Variants in MYCBP2 observed in about 807,000 individuals in gnomAD.
MYCBP2 encodes the protein MYC binding protein 2.
In MYCBP2, 120 loss-of-function variants were observed where a neutral mutation model predicts 525.3. The ratio of observed to expected loss-of-function variants is 0.23; its 90% confidence interval spans 0.20 to 0.27. The LOEUF (loss-of-function observed/expected upper bound fraction) is 0.27. Among genes scored for constraint, MYCBP2 ranks in the 10% least tolerant of loss-of-function variants. The pLI is 1.00. For missense variants in MYCBP2, 4,149 were observed against 5,657.1 expected (o/e 0.73, Z 8.55); for synonymous variants, 1,894 against 1,955.8 (o/e 0.97, Z 0.83).
intron 62 of MYCBP2, among the ~76,000 whole-genome samples, chr13:77,083,413 G>A (rs1271996400): frequency 1.3e-5 from 2 of 152,092 alleles, no homozygotes; most frequent in Non-Finnish European, 2.9e-5. Flanking sequence ...GCATGCAAAT[G>A]AATAAATGTA....
intron 17 of MYCBP2, among the ~76,000 whole-genome samples, chr13:77,240,280 T>A (rs574447527): frequency 1.3e-5 from 2 of 152,274 alleles, no homozygotes; most frequent in South Asian, 4.1e-4. Flanking sequence ...GAATACATAG[T>A]TAGAATTCTT....
At chr13:77,214,367 T>C (rs2064484208) in intron 21 of MYCBP2, among the ~76,000 whole-genome samples, 1 of 152,134 alleles carries the variant, frequency 6.6e-6, no homozygotes, top group African/African-American at 2.4e-5. Context: ...TTACAAAGTA[T>C]TGGAAACCAC....
rs149066307 is a variant in MYCBP2 at position 77,263,679 on chromosome 13, G to A, written c.1542C>T (p.Phe514=). Residue 514 remains phenylalanine (F), a synonymous_variant, in exon 10 of 83, where the codon TTC becomes TTT. Transcript: ENST00000544440. ...TAATATGCAAGTCCTTTTCCAGATC[G>A]AATAGTGAGATACCACAGGCATGTA... ...KCLHACGISL[F]DLEKDLHIIS... 164 of 1,612,408 alleles carry A rather than the reference G, an allele frequency of 1.0e-4. 1 individual carries two copies. In the African/African-American group the frequency reaches 1.6e-3, roughly 15 times the overall value.
At position 77,181,748 on chromosome 13, in the gene MYCBP2, C is replaced by G. The variant is rs968607146; in HGVS notation, c.4894G>C (p.Val1632Leu). 1 of 1,613,952 alleles carries G rather than the reference C, an allele frequency of 6.2e-7. No homozygotes were observed. The highest frequency in any genetic ancestry group is 1.3e-5 in the African/African-American group (1 of 74,920). The change falls in exon 33 of 83, where the codon GTT (valine) becomes CTT (leucine). Residue 1632 changes from valine to leucine, a missense_variant. By Grantham distance (32) the Val-to-Leu change is conservative. Coordinates refer to ENST00000544440, the MANE Select transcript of MYCBP2 (RefSeq NM_015057.5). The part of the protein sequence containing the change: ...QVSTENDSTL[V>L]HRFPLLVAHM... ...GCCACCAAAAGGGGAAAACGATGAA[C>G]TAGTGTTGAGTCGTTCTCTGTACTA...
Position 77,270,080 on chromosome 13 carries a change from A to T in MYCBP2, c.1189-17T>A. Reference sequence around the variant, plus strand: ...TATATGGCCCTGCAAAAAAAACAAAAGTTAGTATATCAGTGGTTTCATAAT... The same window carrying T: ...TATATGGCCCTGCAAAAAAAACAAATGTTAGTATATCAGTGGTTTCATAAT... On this transcript the variant is annotated splice_polypyrimidine_tract_variant and intron_variant, in intron 6 of 82. Coordinates refer to ENST00000544440, the MANE Select transcript of MYCBP2 (RefSeq NM_015057.5). The T allele has an allele frequency of 6.3e-7, 1 of 1,585,878 alleles. No individual in the cohort carries two copies. Among genetic ancestry groups the T allele is most frequent in the Non-Finnish European group, 8.6e-7 (1 of 1,166,370 alleles).
intron 53 of MYCBP2, among the ~76,000 whole-genome samples, 192 bp from the exon 54 acceptor site, chr13:77,125,660 C>T (rs1017112184): frequency 6.6e-6 from 1 of 152,180 alleles, no homozygotes; most frequent in Non-Finnish European, 1.5e-5. Context: ...TAAAATACTG[C>T]TTATTTATGA....
chr13:77,314,583 T>TA (rs151065051), intron 1 of MYCBP2, among the ~76,000 whole-genome samples: 4,920 of 152,244 alleles, frequency 0.032, 214 homozygotes, highest in East Asian at 0.17. Context: ...ATGGAGACAG[T>TA]AAGTGATTAC....
intron 20 of MYCBP2, among the ~76,000 whole-genome samples, chr13:77,223,727 A>G (rs2154294540): frequency 6.6e-6 from 1 of 152,258 alleles, no homozygotes; most frequent in East Asian, 1.9e-4. Flanking sequence ...CTGCTTCCAC[A>G]TATTCATTCC....
chr13:77,052,229 C>T (rs557745349), intron 80 of MYCBP2, among the ~76,000 whole-genome samples: 9 of 152,208 alleles, frequency 5.9e-5, no homozygotes, highest in African/African-American at 2.2e-4. Context: ...GACGGGCTCT[C>T]ACTCTGTTGC....
chr13:77,185,805 A>G (rs1264341602), intron 31 of MYCBP2, 66 bp downstream of exon 31: 12 of 1,214,382 alleles, frequency 9.9e-6, no homozygotes, highest in Non-Finnish European at 1.3e-5. Flanking sequence ...CAGTTATCTC[A>G]AAGTAAATCT....
intron 59 of MYCBP2, among the ~76,000 whole-genome samples, chr13:77,091,922 C>G (rs1232337942): frequency 6.6e-6 from 1 of 151,980 alleles, no homozygotes; most frequent in Non-Finnish European, 1.5e-5. Flanking sequence ...CAGTTTCTAA[C>G]TCTTTTAAAA....
intron 74 of MYCBP2, 22 bp downstream of exon 74, chr13:77,062,574 T>C: frequency 6.3e-7 from 1 of 1,593,550 alleles, no homozygotes; most frequent in Non-Finnish European, 8.6e-7. Flanking sequence ...CAAGATAAAT[T>C]CTTACAAAAT....
rs760794435 is a variant in MYCBP2, at chr13:77,067,742, T to G, written c.12294A>C (p.Gly4098=). The G allele has an allele frequency of 2.4e-5, 39 of 1,613,990 alleles. No individual in the cohort carries two copies. The highest frequency in any genetic ancestry group is 3.1e-5 in the Non-Finnish European group (36 of 1,180,028). ...CCAAGATACCCAGCTTATTCCAGTC[T>G]CCTTTCTCTGTTGAGTGAATGATAT... ...ISDIIHSTEK[G]DWNKLGILDM... is the part of the protein sequence containing the mutation. Residue 4098 remains glycine, a synonymous_variant, in exon 71 of 83, where the codon GGA becomes GGC. Transcript: ENST00000544440.
In MYCBP2 at chr13:77,241,436, TC is replaced by T. The variant is rs139141565; in HGVS notation, c.2629+1622del. Among the ~76,000 whole-genome samples, 671 of 152,242 alleles carry T rather than the reference TC, an allele frequency of 4.4e-3. 5 individuals carry two copies. Among genetic ancestry groups the T allele is most frequent in the African/African-American group, 0.015 (626 of 41,556 alleles). ...CATTTTGTAGGTTCATTCATGTCGC[TC>T]AACCTAATATTTCTAAAGAAAGAAG... On this transcript the variant is annotated intron_variant, in intron 17 of 82. Transcript: ENST00000544440.
chr13:77,078,369 AAACTT>A (rs1321019797), intron 66 of MYCBP2, among the ~76,000 whole-genome samples: 2 of 152,210 alleles, frequency 1.3e-5, no homozygotes, highest in Non-Finnish European at 1.5e-5. Flanking sequence ...TGCCTAGATA[AAACTT>A]AACTTGTTTC....
At chr13:77,262,446 G>A (rs1027697500) in intron 10 of MYCBP2, among the ~76,000 whole-genome samples, 4 of 151,850 alleles carry the variant, frequency 2.6e-5, no homozygotes, top group African/African-American at 2.4e-5. Context: ...GTTTTATTGA[G>A]CGTTTATTAG....
chr13:77,252,755 A>C (rs186262372), intron 14 of MYCBP2, among the ~76,000 whole-genome samples: 236 of 152,236 alleles, frequency 1.6e-3, no homozygotes, highest in African/African-American at 5.4e-3. Flanking sequence ...CAGAAAAATT[A>C]GATAACCAAG....
chr13:77,260,635 A>C, intron 12 of MYCBP2, 43 bp from the exon 13 acceptor site: 3 of 1,363,104 alleles, frequency 2.2e-6, no homozygotes, highest in Non-Finnish European at 3.0e-6. Flanking sequence ...TCTATGTACA[A>C]ATAATAATAA....
intron 68 of MYCBP2, among the ~76,000 whole-genome samples, chr13:77,071,275 A>ACG (rs1436694687): frequency 7.2e-6 from 1 of 139,780 alleles, no homozygotes; most frequent in African/African-American, 2.7e-5. Flanking sequence ...GCACACGCAC[A>ACG]CACACACACA....
Sources: gnomAD v4.1 joint callset for allele counts (sites outside exome capture counted in the v4.1 genomes callset) on GRCh38, gnomAD v4.1.1 for gene constraint, MANE v1.5 for transcripts, NCBI Gene and HGNC (gene_info 2026-07-23, HGNC 2026-07-21) for gene names.